Variants in ARHGEF26 observed in about 807,000 individuals in gnomAD.
The protein encoded by ARHGEF26 is Rho guanine nucleotide exchange factor (GEF) 26.
ARHGEF26 carries 59 observed loss-of-function variants against 89.4 expected under a neutral mutation model. The ratio of observed to expected loss-of-function variants is 0.66; its 90% CI spans 0.54 to 0.82. The LOEUF is 0.82. ARHGEF26 is among the 40% of genes least tolerant of loss of function. ARHGEF26 has a pLI of 0.00. For missense variants in ARHGEF26, 1,234 were observed against 1,085.6 expected (o/e 1.14, Z -1.92); for synonymous variants, 500 against 428.4 (o/e 1.17, Z -2.06).
At chr3:154,198,432 G>A (rs1714419241) in intron 9 of ARHGEF26, among the ~76,000 whole-genome samples, 1 of 152,152 alleles carries the variant, frequency 6.6e-6, no homozygotes, top group Admixed American at 6.6e-5. Context: ...GCACACTCAT[G>A]TTTATAGCAG....
At chr3:154,183,394 G>A (rs931888928) in intron 6 of ARHGEF26, among the ~76,000 whole-genome samples, 18 of 152,098 alleles carry the variant, frequency 1.2e-4, no homozygotes, top group Admixed American at 2.6e-4. Context: ...TATTATCCCC[G>A]AAAAAAATTC....
At chr3:154,198,839 G>C (rs1559892927) in intron 9 of ARHGEF26, among the ~76,000 whole-genome samples, 1 of 151,948 alleles carries the variant, frequency 6.6e-6, no homozygotes, top group Non-Finnish European at 1.5e-5. Context: ...CTTCTCCATG[G>C]AATCAAAAAC....
At chr3:154,184,384 C>T (rs1713387422) in intron 6 of ARHGEF26, among the ~76,000 whole-genome samples, 1 of 152,176 alleles carries the variant, frequency 6.6e-6, no homozygotes, top group Non-Finnish European at 1.5e-5. Context: ...ATAGTCTTAA[C>T]TATATAGTAC....
intron 6 of ARHGEF26, among the ~76,000 whole-genome samples, chr3:154,186,134 T>TACACACACACACAC (rs1446154271): frequency 3.7e-5 from 1 of 26,884 alleles, no homozygotes; most frequent in African/African-American, 1.5e-4. Flanking sequence ...TACACACACT[T>TACACACACACACAC]AGACACACAC....
chr3:154,123,148 G>T, intron 2 of ARHGEF26, 73 bp downstream of exon 2: 1 of 1,569,770 alleles, frequency 6.4e-7, no homozygotes, highest in Non-Finnish European at 8.7e-7. Flanking sequence ...GGGAGGAGGA[G>T]CGTAGAGGAA....
intron 4 of ARHGEF26, among the ~76,000 whole-genome samples, chr3:154,132,519 T>C (rs1718741321): frequency 6.6e-6 from 1 of 152,084 alleles, no homozygotes; most frequent in Non-Finnish European, 1.5e-5. Context: ...TTTTAGAAGC[T>C]CATCTGCTAC....
rs1718521271 is a variant in ARHGEF26, at chr3:154,256,570, A to AC, written c.*1097_*1098insC. 1 of 1,002,758 alleles carries AC rather than the reference A, an allele frequency of 1.0e-6. No homozygotes were observed. Among genetic ancestry groups the AC allele is most frequent in the Non-Finnish European group, 1.2e-6 (1 of 842,538 alleles). 62.1% of individuals were successfully genotyped at this position (1,002,758 alleles called of 1,614,324 possible). A position where few individuals can be genotyped will look rare whatever the true frequency, so the allele number is the denominator to read the frequency against. ...AATTAAAAAAAAAAAAAAAAAAAAA[A>AC]AAAAACCTTCCCAAATGAGCTGATA... On this transcript the variant is annotated 3_prime_UTR_variant, in exon 15 of 15. Transcript: ENST00000465093.
intron 13 of ARHGEF26, 26 bp from the exon 14 acceptor site, chr3:154,254,694 C>T (rs781443647): frequency 1.3e-6 from 2 of 1,591,030 alleles, no homozygotes; most frequent in East Asian, 2.2e-5. Flanking sequence ...CTACTGGAAA[C>T]TTAGTATGTC....
At chr3:154,189,828 T>G (rs1056816167) in intron 7 of ARHGEF26, among the ~76,000 whole-genome samples, 2 of 142,376 alleles carry the variant, frequency 1.4e-5, no homozygotes, top group South Asian at 2.2e-4. Context: ...AATTTAGAGG[T>G]TTTTGTTTTT....
intron 4 of ARHGEF26, among the ~76,000 whole-genome samples, chr3:154,145,786 TGTATCCATA>T (rs1303918457): frequency 6.6e-6 from 1 of 152,234 alleles, no homozygotes; most frequent in Non-Finnish European, 1.5e-5. Flanking sequence ...TAGGACTGGC[TGTATCCATA>T]GATAAGTTCT....
At chr3:154,129,149 G>A (rs974410237) in intron 3 of ARHGEF26, among the ~76,000 whole-genome samples, 21 of 152,086 alleles carry the variant, frequency 1.4e-4, no homozygotes, top group Non-Finnish European at 2.6e-4. Flanking sequence ...GGCATCAGAG[G>A]TGTCTTTCTT....
At chr3:154,205,694 T>C (rs553439394) in intron 9 of ARHGEF26, among the ~76,000 whole-genome samples, 18 of 152,210 alleles carry the variant, frequency 1.2e-4, no homozygotes, top group Non-Finnish European at 2.6e-4. Flanking sequence ...GCAAATATTA[T>C]AACCCATTAT....
At chr3:154,219,268 A>G (rs1715967461) in intron 10 of ARHGEF26, among the ~76,000 whole-genome samples, 1 of 152,028 alleles carries the variant, frequency 6.6e-6, no homozygotes, top group African/African-American at 2.4e-5. Context: ...TCCCTTCTTC[A>G]CTGAAAGTCA....
intron 4 of ARHGEF26, among the ~76,000 whole-genome samples, chr3:154,141,561 G>A (rs1307765039): frequency 1.3e-5 from 2 of 152,204 alleles, no homozygotes; most frequent in African/African-American, 4.8e-5. Context: ...AGTGTTAAAC[G>A]ACATGACTGA....
rs189343665 is a variant in ARHGEF26, at chr3:154,196,799, G to A, written c.1845+2081G>A. Reference sequence around the variant, plus strand: ...GGAACTGGGGAGGGAAACGGGGGAAGGTTTTTAGGAGAAACTACTAGAGAA... The same window carrying A: ...GGAACTGGGGAGGGAAACGGGGGAAAGTTTTTAGGAGAAACTACTAGAGAA... On this transcript the variant is annotated intron_variant, in intron 9 of 14. Transcript: ENST00000465093. 1.7e-3 allele frequency among the ~76,000 whole-genome samples: 260 copies of A among 152,058 alleles called. 2 individuals carry two copies. The highest frequency in any genetic ancestry group is 2.7e-3 in the Non-Finnish European group (182 of 68,000).
chr3:154,149,171 GAA>G lies in ARHGEF26; in HGVS notation c.1270-214_1270-213del, dbSNP rs755320119. On this transcript the variant is annotated intron_variant, in intron 4 of 14. Transcript: ENST00000465093. ...TAGAGTTTGTATGAGGATTCAATGG[GAA>G]AAAGAGTATAAAATGCTTAGTATAT... is the stretch of plus-strand genomic sequence containing the variant. Among the ~76,000 whole-genome samples the G allele has an allele frequency of 4.6e-5, 7 of 152,194 alleles. No individual in the cohort carries two copies. The South Asian group carries it at 1.2e-3, about 27-fold the overall frequency.
At chr3:154,142,609 T>C (rs901453845) in intron 4 of ARHGEF26, among the ~76,000 whole-genome samples, 8 of 152,208 alleles carry the variant, frequency 5.3e-5, no homozygotes, top group Non-Finnish European at 1.2e-4. Context: ...GCTTATTGTT[T>C]TGGAGTTTCT....
chr3:154,255,302 T>C, intron 14 of ARHGEF26, 29 bp from the exon 15 acceptor site: 1 of 1,601,724 alleles, frequency 6.2e-7, no homozygotes, highest in East Asian at 2.2e-5. Context: ...ATACTTGTTG[T>C]TTGGTGTGGA....
At chr3:154,178,326 A>C (rs1044664472) in intron 6 of ARHGEF26, among the ~76,000 whole-genome samples, 1 of 152,214 alleles carries the variant, frequency 6.6e-6, no homozygotes, top group Non-Finnish European at 1.5e-5. Flanking sequence ...AGATTGTGCA[A>C]CCATCACCAG....
Sources: allele counts gnomAD v4.1 joint callset (sites outside exome capture counted in the v4.1 genomes callset), GRCh38; gene constraint gnomAD v4.1.1; transcripts MANE v1.5; gene names NCBI Gene and HGNC (gene_info 2026-07-23, HGNC 2026-07-21).